The following CDC42BPA variants were observed in gnomAD, a reference collection of about 807,000 sequenced individuals.
CDC42BPA encodes CDC42 binding protein kinase alpha.
Under a neutral mutation model 223.5 loss-of-function variants are expected in CDC42BPA, and 80 were observed. The ratio of observed to expected loss-of-function variants is 0.36; its 90% CI spans 0.30 to 0.43. CDC42BPA has a LOEUF of 0.43. Ranked by LOEUF, CDC42BPA falls within the 20% of genes least tolerant of loss-of-function variation. The pLI, the probability that CDC42BPA is intolerant of heterozygous loss-of-function variation, is 1.00. For missense variants in CDC42BPA, 1,743 were observed against 2,099.9 expected (o/e 0.83, Z 3.32); for synonymous variants, 694 against 718.6 (o/e 0.97, Z 0.55).
chr1:227,227,750 G>A (rs898687733), intron 2 of CDC42BPA, among the ~76,000 whole-genome samples: 2 of 151,938 alleles, frequency 1.3e-5, no homozygotes, highest in Admixed American at 6.6e-5. Flanking sequence ...GATAGAAGGC[G>A]GAAATCTAAC....
chr1:227,303,443 T>C (rs1692011571), intron 1 of CDC42BPA, among the ~76,000 whole-genome samples: 1 of 152,180 alleles, frequency 6.6e-6, no homozygotes, highest in African/African-American at 2.4e-5. Context: ...TGTTGCCCAA[T>C]CCAGAAAACC....
chr1:227,225,193 T>G (rs1676650293), intron 2 of CDC42BPA, among the ~76,000 whole-genome samples: 1 of 152,192 alleles, frequency 6.6e-6, no homozygotes, highest in Non-Finnish European at 1.5e-5. Flanking sequence ...TTTTGTTACC[T>G]GTGAATAGAA....
intron 14 of CDC42BPA, among the ~76,000 whole-genome samples, 157 bp from the exon 15 acceptor site, chr1:227,101,396 G>A (rs1461863629): frequency 6.7e-6 from 1 of 149,270 alleles, no homozygotes; most frequent in African/African-American, 2.5e-5. Flanking sequence ...CTTTTTGCCT[G>A]CCATATATTG....
chr1:227,168,420 G>T (rs957094621), intron 5 of CDC42BPA, among the ~76,000 whole-genome samples: 1 of 148,402 alleles, frequency 6.7e-6, no homozygotes, highest in African/African-American at 2.5e-5. Flanking sequence ...TCCAAAATTT[G>T]CTCTCTGTCT....
intron 1 of CDC42BPA, among the ~76,000 whole-genome samples, chr1:227,277,720 A>G (rs1687345083): frequency 6.6e-6 from 1 of 152,180 alleles, no homozygotes; most frequent in Admixed American, 6.5e-5. Flanking sequence ...ATCTCTTAGA[A>G]AACTAGGAAT....
chr1:227,006,726 G>C (rs1250401032), intron 34 of CDC42BPA, among the ~76,000 whole-genome samples: 3 of 152,144 alleles, frequency 2.0e-5, no homozygotes, highest in Admixed American at 2.0e-4. Context: ...CACGAGGTCA[G>C]GAATTCGAGA....
intron 6 of CDC42BPA, among the ~76,000 whole-genome samples, chr1:227,150,521 C>G (rs1661536633): frequency 6.6e-6 from 1 of 152,070 alleles, no homozygotes; most frequent in Non-Finnish European, 1.5e-5. Flanking sequence ...TACATTTTCA[C>G]ACAAGACTGA....
At chr1:227,014,338 C>T (rs1665797738) in intron 34 of CDC42BPA, among the ~76,000 whole-genome samples, 1 of 151,852 alleles carries the variant, frequency 6.6e-6, no homozygotes, top group African/African-American at 2.4e-5. Flanking sequence ...CAACCCTATT[C>T]CAAAAACATA....
At chr1:227,019,158 C>A (rs944470308) in intron 32 of CDC42BPA, among the ~76,000 whole-genome samples, 15 of 152,184 alleles carry the variant, frequency 9.9e-5, no homozygotes, top group African/African-American at 3.6e-4. Flanking sequence ...TGCCCTATCA[C>A]CTTAGTGTAT....
At chr1:227,159,549 C>G (rs980557711) in intron 6 of CDC42BPA, among the ~76,000 whole-genome samples, 2 of 151,652 alleles carry the variant, frequency 1.3e-5, no homozygotes, top group Admixed American at 6.6e-5. Flanking sequence ...ATTTTCATGG[C>G]TTTTGGAATG....
intron 35 of CDC42BPA, 141 bp downstream of exon 35, chr1:227,004,853 C>T: frequency 1.3e-6 from 1 of 775,944 alleles, no homozygotes; most frequent in Non-Finnish European, 2.4e-6. Context: ...AGGCATTACC[C>T]AGCAGGGTCT....
chr1:227,189,240 A>C lies in CDC42BPA; in HGVS notation c.599+4546T>G, dbSNP rs1005350015. ...CTTATACCCCTGCATTTCTTAAATAAAATTTAGCACACACAAAAGCTTATG... is the reference window on the plus strand; with the variant it reads ...CTTATACCCCTGCATTTCTTAAATACAATTTAGCACACACAAAAGCTTATG... On this transcript the variant is annotated intron_variant, in intron 5 of 36. Transcript: ENST00000366766. Among the ~76,000 whole-genome samples, 6 of 152,158 alleles carry C rather than the reference A, an allele frequency of 3.9e-5. No individual in the cohort carries two copies. The East Asian group carries it at 9.6e-4, about 24-fold the overall frequency.
chr1:227,181,976 C>T (rs1328193197), intron 5 of CDC42BPA, among the ~76,000 whole-genome samples: 1 of 152,104 alleles, frequency 6.6e-6, no homozygotes, highest in East Asian at 1.9e-4. Flanking sequence ...AAATGTTTGC[C>T]TGAAATGCAT....
intron 1 of CDC42BPA, among the ~76,000 whole-genome samples, chr1:227,294,081 C>T (rs952430493): frequency 5.9e-5 from 9 of 151,770 alleles, no homozygotes; most frequent in African/African-American, 2.2e-4. Flanking sequence ...ACCATCCTGG[C>T]TAACACAGTG....
intron 5 of CDC42BPA, among the ~76,000 whole-genome samples, chr1:227,167,123 G>A (rs2149877008): frequency 6.6e-6 from 1 of 152,216 alleles, no homozygotes; most frequent in South Asian, 2.1e-4. Flanking sequence ...ATAAAAACTA[G>A]AGGCCTCCTA....
chr1:227,029,596 GT>G (rs1415462527), intron 29 of CDC42BPA, among the ~76,000 whole-genome samples: 1 of 152,120 alleles, frequency 6.6e-6, no homozygotes, highest in Admixed American at 6.5e-5. Flanking sequence ...TTTTTCAGAA[GT>G]TTTTATATGG....
chr1:227,009,317 G>A (rs929474733), intron 34 of CDC42BPA, among the ~76,000 whole-genome samples: 1 of 152,202 alleles, frequency 6.6e-6, no homozygotes, highest in African/African-American at 2.4e-5. Context: ...ATATGTATAA[G>A]ATTAGGGTGA....
intron 35 of CDC42BPA, among the ~76,000 whole-genome samples, chr1:227,002,291 T>C (rs909508470): frequency 6.7e-6 from 1 of 149,314 alleles, no homozygotes; most frequent in Non-Finnish European, 1.5e-5. Flanking sequence ...CTTACATCAA[T>C]CATCAAATCT....
chr1:227,106,480 G>A (rs1057062361), intron 14 of CDC42BPA, among the ~76,000 whole-genome samples: 1 of 151,924 alleles, frequency 6.6e-6, no homozygotes, highest in Admixed American at 6.6e-5. Flanking sequence ...TGTTATTTAT[G>A]CATCTATATT....
Sources: gnomAD v4.1 joint callset for allele counts (sites outside exome capture counted in the v4.1 genomes callset) on GRCh38, gnomAD v4.1.1 for gene constraint, MANE v1.5 for transcripts, NCBI Gene and HGNC (gene_info 2026-07-23, HGNC 2026-07-21) for gene names.